The following SDHAF3 variants were observed in gnomAD, a reference collection of about 807,000 sequenced individuals.
SDHAF3 encodes succinate dehydrogenase assembly factor 3, mitochondrial.
Under a neutral mutation model 11.5 loss-of-function variants are expected in SDHAF3, and 18 were observed. That is an observed-to-expected ratio of 1.56 (90% CI 1.08 to 2.32). SDHAF3 has a LOEUF of 2.32. Among genes scored for constraint, SDHAF3 ranks in the 30% most tolerant of loss-of-function variants. The pLI is 0.00. For synonymous variants in SDHAF3, 72 were observed against 59.3 expected, an observed-to-expected ratio of 1.21 and a Z score of -0.99; for missense variants, 200 against 154.4, an observed-to-expected ratio of 1.30 and a Z score of -1.57.
At chr7:97,133,237 A>G (rs1338942657) in intron 1 of SDHAF3, among the ~76,000 whole-genome samples, 1 of 152,212 alleles carries the variant, frequency 6.6e-6, no homozygotes, top group Non-Finnish European at 1.5e-5. Flanking sequence ...AGTGGAGTAA[A>G]TAAAGACTTT....
At chr7:97,119,043 C>T (rs1424973553) in intron 1 of SDHAF3, among the ~76,000 whole-genome samples, 1 of 152,180 alleles carries the variant, frequency 6.6e-6, no homozygotes, top group Non-Finnish European at 1.5e-5. Flanking sequence ...CAGATTCAGT[C>T]TCTGACATTT....
intron 1 of SDHAF3, among the ~76,000 whole-genome samples, chr7:97,138,966 T>C (rs1045635066): frequency 8.6e-5 from 13 of 152,012 alleles, no homozygotes; most frequent in African/African-American, 3.1e-4. Context: ...GGATCCACAC[T>C]CAGCCTGTGT....
intron 1 of SDHAF3, chr7:97,135,094 G>C (rs147384531): frequency 2.0e-5 from 3 of 149,594 alleles, no homozygotes; most frequent in East Asian, 3.9e-4. Flanking sequence ...AGGAACTTTA[G>C]CTTTCTCCTT....
intron 1 of SDHAF3, among the ~76,000 whole-genome samples, chr7:97,125,034 A>G (rs1465847922): frequency 6.6e-6 from 1 of 152,188 alleles, no homozygotes; most frequent in Non-Finnish European, 1.5e-5. Flanking sequence ...TACGTTGAAT[A>G]GGAGTGGTGA....
At chr7:97,178,708 T>C (rs1367289465) in intron 1 of SDHAF3, among the ~76,000 whole-genome samples, 1 of 152,172 alleles carries the variant, frequency 6.6e-6, no homozygotes, top group African/African-American at 2.4e-5. Context: ...ATTGGGCTAT[T>C]TGTCTTTTAG....
rs1312113551 is a variant in SDHAF3 at position 97,169,734 on chromosome 7, T to TA, written c.175-11272dup. 2.6e-5 allele frequency among the ~76,000 whole-genome samples: 4 copies of TA among 152,160 alleles called. No individual in the cohort carries two copies. In the South Asian group the frequency reaches 8.3e-4, roughly 32 times the overall value. On this transcript the variant is annotated intron_variant, in intron 1 of 1. Coordinates refer to ENST00000432641, the MANE Select transcript of SDHAF3 (RefSeq NM_020186.3). ...AGAGTGAAAAGAAAAAGCCTGATTA[T>TA]AAAAAATGTAAAAAAAGAAAAAATT...
intron 1 of SDHAF3, among the ~76,000 whole-genome samples, chr7:97,171,076 TGAA>T (rs947707326): frequency 1.3e-5 from 2 of 152,208 alleles, no homozygotes; most frequent in Non-Finnish European, 2.9e-5. Flanking sequence ...AAAGTGTCTT[TGAA>T]TTTAGTTATT....
chr7:97,167,273 T>C (rs546510544), intron 1 of SDHAF3, among the ~76,000 whole-genome samples: 1 of 152,214 alleles, frequency 6.6e-6, no homozygotes, highest in African/African-American at 2.4e-5. Context: ...GTGTAGCACT[T>C]CCCCCCTTGG....
intron 1 of SDHAF3, among the ~76,000 whole-genome samples, chr7:97,180,783 G>A (rs1404128226): frequency 6.6e-6 from 1 of 152,040 alleles, no homozygotes; most frequent in Admixed American, 6.5e-5. Context: ...TTATATCCAG[G>A]TTAAAAATTT....
chr7:97,173,942 A>G (rs1789643337), intron 1 of SDHAF3, among the ~76,000 whole-genome samples: 1 of 147,890 alleles, frequency 6.8e-6, no homozygotes, highest in South Asian at 2.1e-4. Flanking sequence ...TTTTTTAAAG[A>G]CAGAGTCTTG....
At chr7:97,125,027 G>A (rs900015161) in intron 1 of SDHAF3, among the ~76,000 whole-genome samples, 10 of 152,082 alleles carry the variant, frequency 6.6e-5, no homozygotes, top group African/African-American at 2.4e-4. Flanking sequence ...CCAATACTAC[G>A]TTGAATAGGA....
intron 1 of SDHAF3, among the ~76,000 whole-genome samples, chr7:97,172,017 T>C (rs1191848526): frequency 1.3e-5 from 2 of 152,108 alleles, no homozygotes; most frequent in African/African-American, 2.4e-5. Context: ...TTCCTTCCTT[T>C]CTTTCCCTTT....
At chr7:97,127,812 T>C (rs1791597481) in intron 1 of SDHAF3, among the ~76,000 whole-genome samples, 1 of 152,122 alleles carries the variant, frequency 6.6e-6, no homozygotes, top group Non-Finnish European at 1.5e-5. Context: ...GTCAAATTGT[T>C]AATTCTGCAT....
intron 1 of SDHAF3, among the ~76,000 whole-genome samples, chr7:97,148,024 C>T (rs914615241): frequency 6.6e-6 from 1 of 152,050 alleles, no homozygotes; most frequent in Non-Finnish European, 1.5e-5. Flanking sequence ...ATACCTCAGC[C>T]TCCCAAGTAG....
chr7:97,128,010 C>T (rs892488023), intron 1 of SDHAF3, among the ~76,000 whole-genome samples: 4 of 149,588 alleles, frequency 2.7e-5, no homozygotes, highest in Non-Finnish European at 5.9e-5. Context: ...AAGCAGTTCT[C>T]CTGCCTCAGC....
chr7:97,140,343 A>ATTTTTTTTT (rs67929691), intron 1 of SDHAF3, among the ~76,000 whole-genome samples: 2 of 112,484 alleles, frequency 1.8e-5, no homozygotes, highest in African/African-American at 6.9e-5. Flanking sequence ...TTTTGGTAGT[A>ATTTTTTTTT]TTTTTTTTTT....
chr7:97,143,665 CTGTGTGTGTGTGTGTG>C (rs3029495), intron 1 of SDHAF3, among the ~76,000 whole-genome samples: 7 of 147,950 alleles, frequency 4.7e-5, no homozygotes, highest in South Asian at 2.2e-4. Flanking sequence ...TAGTGTTCCA[CTGTGTGTGTGTGTGTG>C]TGTGTGTGTG....
At chr7:97,175,849 C>T (rs1160155603) in intron 1 of SDHAF3, among the ~76,000 whole-genome samples, 3 of 152,140 alleles carry the variant, frequency 2.0e-5, no homozygotes, top group Non-Finnish European at 4.4e-5. Context: ...TTTCCTGTGT[C>T]TGCTGTAATA....
intron 1 of SDHAF3, among the ~76,000 whole-genome samples, chr7:97,178,117 T>A (rs1003188221): frequency 2.0e-5 from 3 of 152,234 alleles, no homozygotes; most frequent in Non-Finnish European, 2.9e-5. Flanking sequence ...TCTATGAATT[T>A]TCCTATTCTA....
Sources: allele counts gnomAD v4.1 joint callset (sites outside exome capture counted in the v4.1 genomes callset), GRCh38; gene constraint gnomAD v4.1.1; transcripts MANE v1.5; gene names NCBI Gene and HGNC (gene_info 2026-07-23, HGNC 2026-07-21).